Variants in ZNF24 observed in about 807,000 individuals in gnomAD.
ZNF24 encodes the protein zinc finger protein 24.
ZNF24 carries 11 observed loss-of-function variants against 40.9 expected under a neutral mutation model. The observed-to-expected ratio is 0.27, with a 90% CI of 0.17 to 0.45. ZNF24 has a LOEUF of 0.45. ZNF24 is among the 20% of genes least tolerant of loss of function. The pLI is 1.00. For synonymous variants in ZNF24, 139 were observed against 154.7 expected, an observed-to-expected ratio of 0.90 and a Z score of 0.75; for missense variants, 293 against 437.7, an observed-to-expected ratio of 0.67 and a Z score of 2.95.
intron 1 of ZNF24, chr18:35,343,898 C>A: frequency 6.4e-6 from 1 of 155,314 alleles, no homozygotes; most frequent in South Asian, 1.8e-4. Flanking sequence ...GCCCCTCTTC[C>A]CAGCACTCAG....
rs952771127 is a variant in ZNF24, at chr18:35,337,198, C to T, written c.*34G>A. The T allele has an allele frequency of 1.4e-6, 2 of 1,406,924 alleles. No individual in the cohort carries two copies. The highest frequency in any genetic ancestry group is 1.4e-5 in the African/African-American group (1 of 69,850). 87.2% of individuals were successfully genotyped at this position (1,406,924 alleles called of 1,614,324 possible). ...TTGTCTTCATTTCTGAAGAAAAAGA[C>T]CTGAGTGCTGATTCTTTTTTTTTTT... On this transcript the variant is annotated 3_prime_UTR_variant, in exon 4 of 4. Coordinates refer to ENST00000261332, the MANE Select transcript of ZNF24 (RefSeq NM_006965.4).
Position 35,335,714 on chromosome 18 carries a change from C to CTTTG in ZNF24, c.*1517_*1518insCAAA, listed in dbSNP as rs2044900574. The CTTTG allele has an allele frequency of 6.6e-6, 1 of 152,020 alleles. No homozygotes were observed. Among genetic ancestry groups the CTTTG allele is most frequent in the Admixed American group, 6.6e-5 (1 of 15,260 alleles). The allele number at this position is 152,020 out of a possible 1,614,324, so 9.4% of individuals were successfully genotyped here. ...CTCAGCCAAGGAGTATATAATCCTA[C>CTTTG]TACTACAATGTATTACTTTAATACA... On this transcript the variant is annotated 3_prime_UTR_variant, in exon 4 of 4. Transcript: ENST00000261332.
In ZNF24 at chr18:35,333,347, T is replaced by C. The variant is rs1266912317; in HGVS notation, c.*3885A>G. On this transcript the variant is annotated 3_prime_UTR_variant, in exon 4 of 4. Transcript: ENST00000261332. ...TATGTAAAAAGTGTTTTTATGTGTA[T>C]GTATATTCGTACGGAAAGGTGACTA... The C allele has an allele frequency of 6.6e-6, 1 of 152,200 alleles. No individual in the cohort carries two copies. The highest frequency in any genetic ancestry group is 1.5e-5 in the Non-Finnish European group (1 of 68,038). 9.4% of individuals were successfully genotyped at this position (152,200 alleles called of 1,614,324 possible).
At chr18:35,338,077 G>C (rs1458521227) in intron 3 of ZNF24, 16 of 692,452 alleles carry the variant, frequency 2.3e-5, no homozygotes, top group Non-Finnish European at 2.8e-5. Flanking sequence ...GATGTGGCTA[G>C]GTATGGATGA....
chr18:35,339,749 C>A, intron 3 of ZNF24, 80 bp downstream of exon 3: 1 of 1,287,922 alleles, frequency 7.8e-7, no homozygotes, highest in Non-Finnish European at 1.0e-6. Context: ...ATCCCCCCAC[C>A]AGTGAGAACA....
At chr18:35,342,883 C>CA (rs1292826008) in intron 1 of ZNF24, among the ~76,000 whole-genome samples, 23 of 152,318 alleles carry the variant, frequency 1.5e-4, no homozygotes, top group Admixed American at 2.0e-4. Context: ...ACTAAGACGA[C>CA]AAACCCTATG....
At chr18:35,337,891 T>A in intron 3 of ZNF24, 121 bp from the exon 4 acceptor site, 2 of 781,180 alleles carry the variant, frequency 2.6e-6, no homozygotes, top group Non-Finnish European at 3.8e-6. Flanking sequence ...ACTCTGACAC[T>A]GGTGTTAAGG....
chr18:35,339,971 A>G lies in ZNF24; in HGVS notation c.426T>C (p.Ser142=). The G allele has an allele frequency of 1.9e-6, 3 of 1,607,780 alleles. No homozygotes were observed. The highest frequency in any genetic ancestry group is 1.1e-5 in the South Asian group (1 of 90,744). The part of the protein sequence containing the change: ...SELDDPGQPV[S]LRRRKREVLV... ...GTACTTCCCGTTTTCGTCGACGGAG[A>G]GAAACCTGGAAACAGAAAGATTTGA... Residue 142 remains serine, a synonymous_variant, in exon 3 of 4, where the codon TCT becomes TCC. Coordinates refer to ENST00000261332, the MANE Select transcript of ZNF24 (RefSeq NM_006965.4).
intron 3 of ZNF24, chr18:35,337,983 AG>A (rs2044928091): frequency 1.1e-5 from 5 of 461,026 alleles, no homozygotes; most frequent in African/African-American, 2.0e-5. Context: ...AATAAAACAT[AG>A]GCAAGTGGTT....
chr18:35,339,729 G>C, intron 3 of ZNF24, 100 bp downstream of exon 3: 1 of 1,085,824 alleles, frequency 9.2e-7, no homozygotes, highest in Non-Finnish European at 1.3e-6. Flanking sequence ...ATTAGATTAA[G>C]AGTGATATGA....
Position 35,340,190 on chromosome 18 carries a change from G to A in ZNF24, c.420+41C>T. 1 of 1,595,818 alleles carries A rather than the reference G, an allele frequency of 6.3e-7. No individual in the cohort carries two copies. The highest frequency in any genetic ancestry group is 1.1e-5 in the South Asian group (1 of 89,404). ...TTCAGCAGCTTTGCCTACTACCTAT[G>A]CCAGTGCTTCTGACACAGGAAATGA... On this transcript the variant is annotated intron_variant, in intron 2 of 3. Coordinates refer to ENST00000261332, the MANE Select transcript of ZNF24 (RefSeq NM_006965.4). The surrounding 1 kb of genome is among the most constrained non-coding windows in gnomAD (Gnocchi z 4.6).
rs1296902860 is a variant in ZNF24, at chr18:35,339,923, T to C, written c.474A>G (p.Gln158=). 1.2e-6 allele frequency: 2 copies of C among 1,613,472 alleles called. No homozygotes were observed. The highest frequency in any genetic ancestry group is 1.7e-6 in the Non-Finnish European group (2 of 1,179,566). The change falls in exon 3 of 4, where the codon CAA becomes CAG. Residue 158 remains glutamine (Q), a synonymous_variant. Coordinates refer to ENST00000261332, the MANE Select transcript of ZNF24 (RefSeq NM_006965.4). ...AACTTGGTAATCCCTGAGCTTCTTCTTGAGATACCATGTCTTCTACTAGTA... is the reference window on the plus strand; with the variant it reads ...AACTTGGTAATCCCTGAGCTTCTTCCTGAGATACCATGTCTTCTACTAGTA... ...REVLVEDMVS[Q]EEAQGLPSSE...
intron 1 of ZNF24, among the ~76,000 whole-genome samples, chr18:35,341,411 TAAC>T (rs2044967434): frequency 6.6e-6 from 1 of 152,178 alleles, no homozygotes; most frequent in Admixed American, 6.5e-5. Flanking sequence ...TAAAACTTGA[TAAC>T]AATAATAAAC....
In ZNF24 at chr18:35,337,160, C is replaced by G; in HGVS notation, c.*72G>C. The G allele has an allele frequency of 7.9e-7, 1 of 1,261,844 alleles. No individual in the cohort carries two copies. The highest frequency in any genetic ancestry group is 1.0e-6 in the Non-Finnish European group (1 of 957,756). The allele number at this position is 1,261,844 out of a possible 1,614,324, so 78.2% of individuals were successfully genotyped here. ...GGGAAAAAACTATTCTGCATCATTT[C>G]ATATTTTAAATTTTGTCTTCATTTC... On this transcript the variant is annotated 3_prime_UTR_variant, in exon 4 of 4. Transcript: ENST00000261332.
Position 35,335,007 on chromosome 18 carries a change from C to A in ZNF24, c.*2225G>T, listed in dbSNP as rs1040423267. 1.3e-5 allele frequency: 2 copies of A among 152,194 alleles called. No individual in the cohort carries two copies. The highest frequency in any genetic ancestry group is 2.4e-5 in the African/African-American group (1 of 41,452). 9.4% of individuals were successfully genotyped at this position (152,194 alleles called of 1,614,324 possible). On this transcript the variant is annotated 3_prime_UTR_variant, in exon 4 of 4. Coordinates refer to ENST00000261332, the MANE Select transcript of ZNF24 (RefSeq NM_006965.4). ...TTTCTACACTCACATTACCAAATAT[C>A]TTTGGCATTTATGACAAATCTACCA...
At chr18:35,338,617 G>A in intron 3 of ZNF24, 1 of 995,806 alleles carries the variant, frequency 1.0e-6, no homozygotes, top group Non-Finnish European at 1.2e-6. Context: ...CTTCAGCGAA[G>A]AGGAAAACAG....
chr18:35,339,740 T>G, intron 3 of ZNF24, 89 bp downstream of exon 3: 1 of 1,190,584 alleles, frequency 8.4e-7, no homozygotes, highest in East Asian at 2.5e-5. Flanking sequence ...AGTGATATGA[T>G]CCCCCCACCA....
Position 35,340,588 on chromosome 18 carries a change from T to C in ZNF24, c.63A>G (p.Glu21=), listed in dbSNP as rs2143855278. 6.2e-7 allele frequency: 1 copy of C among 1,614,216 alleles called. No individual in the cohort carries two copies. The highest frequency in any genetic ancestry group is 8.5e-7 in the Non-Finnish European group (1 of 1,180,048). Residue 21 remains glutamate, a synonymous_variant, in exon 2 of 4, where the codon GAA becomes GAG. Coordinates refer to ENST00000261332, the MANE Select transcript of ZNF24 (RefSeq NM_006965.4). This position sits in a 1 kb window ranked among gnomAD's most constrained non-coding sequence, Gnocchi z 4.6. The part of the protein sequence containing the change: ...ILIIPTPDEE[E]KILRVKLEED... ...CCTCCAACTTCACTCTCAGAATTTT[T>C]TCCTCTTCATCTGGAGTTGGGATGA...
At position 35,335,312 on chromosome 18, in the gene ZNF24, C is replaced by T. The variant is rs1335122495; in HGVS notation, c.*1920G>A. On this transcript the variant is annotated 3_prime_UTR_variant, in exon 4 of 4. Coordinates refer to ENST00000261332, the MANE Select transcript of ZNF24 (RefSeq NM_006965.4). ...AAAAAGACCCAAACAAAAGTCCCTA[C>T]ATTTTCTTGTATAACTTAAAATACA... The T allele has an allele frequency of 6.6e-6, 1 of 152,200 alleles. No homozygotes were observed. The highest frequency in any genetic ancestry group is 1.5e-5 in the Non-Finnish European group (1 of 68,026). 9.4% of individuals were successfully genotyped at this position (152,200 alleles called of 1,614,324 possible). A position where few individuals can be genotyped will look rare whatever the true frequency, so the allele number is the denominator to read the frequency against.
Sources: gnomAD v4.1 joint callset for allele counts (sites outside exome capture counted in the v4.1 genomes callset) on GRCh38, gnomAD v4.1.1 for gene constraint, Gnocchi (gnomAD v3.1) non-coding constraint, MANE v1.5 for transcripts, NCBI Gene and HGNC (gene_info 2026-07-23, HGNC 2026-07-21) for gene names.